The following SYNJ2 variants were observed in gnomAD, a reference collection of about 807,000 sequenced individuals.
The protein encoded by SYNJ2 is synaptojanin 2.
A neutral mutation model predicts 141.3 loss-of-function variants in SYNJ2; 116 were observed. That is an observed-to-expected ratio of 0.82 (90% confidence interval 0.71 to 0.96). The LOEUF is 0.96. Among genes scored for constraint, SYNJ2 ranks in the 40% least tolerant of loss-of-function variants. SYNJ2 has a pLI of 0.00. For missense variants in SYNJ2, 1,873 were observed against 1,934.8 expected, an observed-to-expected ratio of 0.97 and a Z score of 0.60; for synonymous variants, 745 against 777.7, an observed-to-expected ratio of 0.96 and a Z score of 0.70.
In SYNJ2 at chr6:158,040,057, C is replaced by T. The variant is rs1779859826; in HGVS notation, c.712-3259C>T. Among the ~76,000 whole-genome samples, 1 of 152,304 alleles carries T rather than the reference C, an allele frequency of 6.6e-6. No homozygotes were observed. Among genetic ancestry groups the T allele is most frequent in the East Asian group, 1.9e-4 (1 of 5,182 alleles). Reference sequence around the variant, plus strand: ...CGGATCGGCTTCTTAGGAATTAATTCTCAGGAAGCCAGAAAAGGGGGACCC... The same window carrying T: ...CGGATCGGCTTCTTAGGAATTAATTTTCAGGAAGCCAGAAAAGGGGGACCC... On this transcript the variant is annotated intron_variant, in intron 4 of 26. Transcript: ENST00000355585. The surrounding 1 kb of genome is among the most constrained non-coding windows in gnomAD (Gnocchi z 4.2).
intron 25 of SYNJ2, among the ~76,000 whole-genome samples, chr6:158,091,370 CAAGTGTCCATCAGCTGATA>C (rs1184101559): frequency 1.3e-5 from 2 of 151,582 alleles, no homozygotes; most frequent in Non-Finnish European, 2.9e-5. Context: ...TATAACAACC[CAAGTGTCCATCAGCTGATA>C]AATGGATAAA....
intron 9 of SYNJ2, among the ~76,000 whole-genome samples, chr6:158,064,150 A>C (rs1013374654): frequency 6.6e-6 from 1 of 152,210 alleles, no homozygotes; most frequent in African/African-American, 2.4e-5. Flanking sequence ...GGTTGTGTGT[A>C]ATGATTATCG....
Position 158,092,912 on chromosome 6 carries a change from G to C in SYNJ2, c.3566-14G>C. 1 of 1,576,476 alleles carries C rather than the reference G, an allele frequency of 6.3e-7. No individual in the cohort carries two copies. Among genetic ancestry groups the C allele is most frequent in the Non-Finnish European group, 8.6e-7 (1 of 1,166,444 alleles). On this transcript the variant is annotated splice_polypyrimidine_tract_variant and intron_variant, in intron 25 of 26. Coordinates refer to ENST00000355585, the MANE Select transcript of SYNJ2 (RefSeq NM_003898.4). ...TTGTCCTTTACACTTCAGCCATGTG[G>C]TTTTATGTTTCAGGTGCCTCCGAAG...
chr6:158,069,817 C>T, intron 14 of SYNJ2, 144 bp downstream of exon 14: 1 of 1,095,294 alleles, frequency 9.1e-7, no homozygotes. Flanking sequence ...GTAGCAAAAC[C>T]CCCTAGGAAA....
chr6:157,982,233 CTGTT>C lies in SYNJ2; in HGVS notation c.127+148_127+151del. On this transcript the variant is annotated intron_variant, in intron 1 of 26. Coordinates refer to ENST00000355585, the MANE Select transcript of SYNJ2 (RefSeq NM_003898.4). The surrounding 1 kb of genome is among the most constrained non-coding windows in gnomAD (Gnocchi z 4.0). ...GTAGGGGTCGCGCGCAGAGGGGTGG[CTGTT>C]TGAATGAAGTGGGGCTGGGGACTCG... 1 of 1,118,802 alleles carries C rather than the reference CTGTT, an allele frequency of 8.9e-7. No homozygotes were observed. The highest frequency in any genetic ancestry group is 1.1e-6 in the Non-Finnish European group (1 of 881,220). The allele number at this position is 1,118,802 out of a possible 1,614,324, so 69.3% of individuals were successfully genotyped here.
At chr6:158,092,776 AAG>A (rs1195969590) in intron 25 of SYNJ2, 148 bp from the exon 26 acceptor site, 3 of 755,950 alleles carry the variant, frequency 4.0e-6, no homozygotes, top group Non-Finnish European at 6.0e-6. Flanking sequence ...AAAAAGAAAA[AAG>A]AAAAAAAGCT....
In SYNJ2 at chr6:157,992,524, A is replaced by C. The variant is rs527551148; in HGVS notation, c.127+10436A>C. On this transcript the variant is annotated intron_variant, in intron 1 of 26. Coordinates refer to ENST00000355585, the MANE Select transcript of SYNJ2 (RefSeq NM_003898.4). Reference sequence around the variant, plus strand: ...TCCGCCTTCTGGGTTCAACCTCCCAAGTAGCTGGGATTACAGGCACCCACC... The same window carrying C: ...TCCGCCTTCTGGGTTCAACCTCCCACGTAGCTGGGATTACAGGCACCCACC... Among the ~76,000 whole-genome samples the C allele has an allele frequency of 1.4e-4, 21 of 150,700 alleles. 1 individual carries two copies. In the South Asian group the frequency reaches 4.5e-3, roughly 32 times the overall value.
At chr6:158,057,724 C>T (rs555115288) in intron 6 of SYNJ2, among the ~76,000 whole-genome samples, 9 of 152,354 alleles carry the variant, frequency 5.9e-5, no homozygotes, top group Non-Finnish European at 7.3e-5. Context: ...GCCTTGTTTC[C>T]GATGAGCCAC....
At position 158,074,672 on chromosome 6, in the gene SYNJ2, T is replaced by TA; in HGVS notation, c.2229dup (p.Arg744ThrfsTer11). ...CTTATGAAGAAGTCTTCTATTTTGT[T>TA]AAACGCCAAGACTGGAAGAAACTTC... On this transcript the variant is annotated frameshift_variant, in exon 16 of 27. Coordinates refer to ENST00000355585, the MANE Select transcript of SYNJ2 (RefSeq NM_003898.4). LOFTEE classifies it high-confidence loss of function. 6.2e-7 allele frequency: 1 copy of TA among 1,614,154 alleles called. No homozygotes were observed.
rs35717624 is a variant in SYNJ2, at chr6:158,040,277, T to TGTC, written c.712-3037_712-3036insCGT. 0.079 allele frequency among the ~76,000 whole-genome samples: 12,054 copies of TGTC among 152,130 alleles called. 1,611 individuals are homozygous for TGTC. Among genetic ancestry groups the TGTC allele is most frequent in the African/African-American group, 0.28 (11,456 of 41,398 alleles). On this transcript the variant is annotated intron_variant, in intron 4 of 26. Coordinates refer to ENST00000355585, the MANE Select transcript of SYNJ2 (RefSeq NM_003898.4). The surrounding 1 kb of genome is among the most constrained non-coding windows in gnomAD (Gnocchi z 4.2). ...TGCATTTGTGTATACATGTGTGTGG[T>TGTC]GTGTGCCTTGTGTTTGTTTTTCATG...
chr6:158,095,855 C>G lies in SYNJ2; in HGVS notation c.3982C>G (p.Leu1328Val). Residue 1328 changes from leucine to valine, a missense_variant, in exon 27 of 27, where the codon CTT becomes GTT. Transcript: ENST00000355585. ...SVPPPLEAPP[L>V]VPKVPPRRKK... is the part of the protein sequence containing the mutation. ...GCCACCACCTCTGGAGGCGCCGCCT[C>G]TTGTGCCCAAGGTACCCCCGAGGAG... 1.9e-6 allele frequency: 3 copies of G among 1,614,170 alleles called. No individual in the cohort carries two copies. The South Asian group carries it at 3.3e-5, about 18-fold the overall frequency.
chr6:158,082,869 A>T (rs1057121591), intron 20 of SYNJ2, among the ~76,000 whole-genome samples: 2 of 152,130 alleles, frequency 1.3e-5, no homozygotes, highest in African/African-American at 2.4e-5. Flanking sequence ...CAGCTCATAG[A>T]TAGTTTCCGT....
intron 1 of SYNJ2, among the ~76,000 whole-genome samples, chr6:157,994,037 G>A (rs988061971): frequency 6.6e-6 from 1 of 151,652 alleles, no homozygotes; most frequent in Non-Finnish European, 1.5e-5. Flanking sequence ...GGATGGTCTC[G>A]ATCTCCTGAC....
intron 1 of SYNJ2, among the ~76,000 whole-genome samples, chr6:158,005,238 C>T (rs112230914): frequency 0.038 from 5,814 of 152,102 alleles, 394 homozygotes; most frequent in African/African-American, 0.13. Flanking sequence ...CAACGACGCC[C>T]GGCTAATTTT....
chr6:158,071,065 C>A lies in SYNJ2; in HGVS notation c.1941-537C>A, dbSNP rs1029995586. Reference sequence around the variant, plus strand: ...GGGCGTGATGGTGGGTACCTGTAATCCCAGCTACTCAGGAGGCTGAGGCAG... The same window carrying A: ...GGGCGTGATGGTGGGTACCTGTAATACCAGCTACTCAGGAGGCTGAGGCAG... On this transcript the variant is annotated intron_variant, in intron 14 of 26. Coordinates refer to ENST00000355585, the MANE Select transcript of SYNJ2 (RefSeq NM_003898.4). The surrounding 1 kb of genome is among the most constrained non-coding windows in gnomAD (Gnocchi z 4.3). 3.3e-5 allele frequency among the ~76,000 whole-genome samples: 5 copies of A among 152,278 alleles called. No homozygotes were observed. In the South Asian group the frequency reaches 1.0e-3, roughly 32 times the overall value.
intron 1 of SYNJ2, among the ~76,000 whole-genome samples, chr6:158,002,022 C>T (rs1357234001): frequency 1.3e-5 from 2 of 152,218 alleles, no homozygotes; most frequent in Non-Finnish European, 2.9e-5. Flanking sequence ...TGTCCTCCCA[C>T]TCTTCTGAAA....
At position 158,066,457 on chromosome 6, in the gene SYNJ2, C is replaced by T. The variant is rs1484984772; in HGVS notation, c.1539C>T (p.Ile513=). 5 of 1,614,176 alleles carry T rather than the reference C, an allele frequency of 3.1e-6. No homozygotes were observed. The highest frequency in any genetic ancestry group is 3.3e-5 in the Admixed American group (2 of 60,028). Residue 513 remains isoleucine (I), a synonymous_variant, in exon 12 of 27, where the codon ATC becomes ATT. Coordinates refer to ENST00000355585, the MANE Select transcript of SYNJ2 (RefSeq NM_003898.4). ...GCCTCCTGACAGTGACTCCCAGGAT[C>T]CTGAAAGCTATGACTGAGCGTCAGT... The part of the protein sequence containing the change: ...DSTALLVTPR[I]LKAMTERQSE...
chr6:158,021,693 A>G (rs1378862704), intron 2 of SYNJ2, among the ~76,000 whole-genome samples: 1 of 152,218 alleles, frequency 6.6e-6, no homozygotes, highest in Non-Finnish European at 1.5e-5. Context: ...GGCTGGTTTC[A>G]TGGGCAGTCA....
intron 22 of SYNJ2, 98 bp from the exon 23 acceptor site, chr6:158,086,757 G>T (rs1783060338): frequency 7.3e-7 from 1 of 1,364,392 alleles, no homozygotes. Flanking sequence ...CCTACAGCAG[G>T]TCCCCCTGCC....
Sources: allele counts gnomAD v4.1 joint callset (sites outside exome capture counted in the v4.1 genomes callset), GRCh38; gene constraint gnomAD v4.1.1; non-coding constraint Gnocchi (gnomAD v3.1); transcripts MANE v1.5; gene names NCBI Gene and HGNC (gene_info 2026-07-23, HGNC 2026-07-21).